ERG28: variants seen among roughly 807,000 people sequenced by gnomAD.
ERG28 encodes ergosterol biosynthetic protein 28 homolog.
A neutral mutation model predicts 15.7 loss-of-function variants in ERG28; 9 were observed. That is an observed-to-expected ratio of 0.57 (90% CI 0.35 to 1.00). The LOEUF is 1.00. Ranked by LOEUF, ERG28 falls within the 50% of genes least tolerant of loss-of-function variation. The probability of loss-of-function intolerance (pLI) is 0.02; values close to 1 mark genes in which losing one functional copy is unlikely to be tolerated. For synonymous variants in ERG28, 61 were observed against 68.4 expected (o/e 0.89, Z 0.53); for missense variants, 117 against 173.3 (o/e 0.68, Z 1.82).
intron 2 of ERG28, among the ~76,000 whole-genome samples, chr14:75,656,150 C>T (rs886484093): frequency 2.0e-5 from 3 of 152,016 alleles, no homozygotes; most frequent in East Asian, 1.9e-4. Flanking sequence ...AGTACTCAAC[C>T]AGCCCTAACC....
chr14:75,656,910 C>A (rs1417869698), intron 2 of ERG28, among the ~76,000 whole-genome samples: 1 of 152,080 alleles, frequency 6.6e-6, no homozygotes, highest in East Asian at 1.9e-4. Flanking sequence ...ATCATGTAAA[C>A]CTGATTCTGA....
At position 75,651,275 on chromosome 14, in the gene ERG28, G is replaced by C. The variant is rs1890522233; in HGVS notation, c.*280C>G. Reference sequence around the variant, plus strand: ...AAAAGGGAGCCTGGAAGAGGTTGCAGGTAGGGGAAGGAGACACAGTGGGCT... The same window carrying C: ...AAAAGGGAGCCTGGAAGAGGTTGCACGTAGGGGAAGGAGACACAGTGGGCT... On this transcript the variant is annotated 3_prime_UTR_variant, in exon 5 of 5. Transcript: ENST00000256319. 2 of 280,218 alleles carry C rather than the reference G, an allele frequency of 7.1e-6. No homozygotes were observed. Among genetic ancestry groups the C allele is most frequent in the Non-Finnish European group, 1.4e-5 (2 of 147,998 alleles). The allele number at this position is 280,218 out of a possible 1,614,324, so 17.4% of individuals were successfully genotyped here.
Position 75,650,935 on chromosome 14 carries a change from C to T in ERG28, c.*620G>A, listed in dbSNP as rs1413577246. The T allele has an allele frequency of 3.9e-5, 6 of 152,596 alleles. No individual in the cohort carries two copies. In the South Asian group the frequency reaches 6.2e-4, roughly 16 times the overall value. 9.5% of individuals were successfully genotyped at this position (152,596 alleles called of 1,614,324 possible). On this transcript the variant is annotated 3_prime_UTR_variant, in exon 5 of 5. Transcript: ENST00000256319. ...TCTATTTATTACAAAAGTTGTTACA[C>T]AAATACAGCTGACCAGAAGGTCTAA...
chr14:75,659,867 GCC>G (rs10716402), intron 1 of ERG28, among the ~76,000 whole-genome samples: 10,196 of 144,330 alleles, frequency 0.071, 771 homozygotes, highest in African/African-American at 0.19. Flanking sequence ...AAACACCGCC[GCC>G]CCCCCCCGCC....
intron 2 of ERG28, 79 bp downstream of exon 2, chr14:75,657,291 A>G (rs1890611405): frequency 6.6e-7 from 1 of 1,521,918 alleles, no homozygotes; most frequent in Non-Finnish European, 9.0e-7. Flanking sequence ...ACTCTGATGT[A>G]CAGCCTGGTT....
At chr14:75,654,847 C>T (rs767097516) in intron 3 of ERG28, 39 bp downstream of exon 3, 21 of 1,568,632 alleles carry the variant, frequency 1.3e-5, no homozygotes, top group Non-Finnish European at 1.8e-5. Flanking sequence ...ATCTGATTTC[C>T]AACAAAAGGA....
intron 2 of ERG28, among the ~76,000 whole-genome samples, chr14:75,656,788 G>A (rs150511714): frequency 2.0e-5 from 3 of 152,250 alleles, no homozygotes; most frequent in African/African-American, 7.2e-5. Context: ...TTTCATTTTG[G>A]GAGACCAACT....
At position 75,654,930 on chromosome 14, in the gene ERG28, T is replaced by C. The variant is rs766149602; in HGVS notation, c.180A>G (p.Ser60=). ...ARTFGIWTLL[S]SVIRCLCAID... ...TGGCACAGAGGCAGCGAATCACTGA[T>C]GAGAGCAGCGTCCAGATCCCAAAGG... The change falls in exon 3 of 5, where the codon TCA becomes TCG. Residue 60 remains serine (S), a synonymous_variant. Transcript: ENST00000256319. 8.7e-6 allele frequency: 14 copies of C among 1,614,058 alleles called. No homozygotes were observed. Among genetic ancestry groups the C allele is most frequent in the African/African-American group, 1.3e-5 (1 of 74,926 alleles).
At position 75,650,406 on chromosome 14, in the gene ERG28, T is replaced by A. The variant is rs1057431104; in HGVS notation, c.*1149A>T. 6.6e-6 allele frequency: 1 copy of A among 152,272 alleles called. No homozygotes were observed. Among genetic ancestry groups the A allele is most frequent in the Non-Finnish European group, 1.5e-5 (1 of 68,078 alleles). The allele number at this position is 152,272 out of a possible 1,614,324, so 9.4% of individuals were successfully genotyped here. A position where few individuals can be genotyped will look rare whatever the true frequency, so the allele number is the denominator to read the frequency against. On this transcript the variant is annotated 3_prime_UTR_variant, in exon 5 of 5. Transcript: ENST00000256319. ...TTCCCAAGTGTCCGGCATGGAGAAG[T>A]ACTCAACAAATATTTGCTGAAATAG...
chr14:75,652,301 C>T (rs559266509), intron 3 of ERG28, among the ~76,000 whole-genome samples: 108 of 152,300 alleles, frequency 7.1e-4, no homozygotes, highest in African/African-American at 2.4e-3. Context: ...ATGCACTTGT[C>T]GGTGTTTATA....
intron 1 of ERG28, 83 bp from the exon 2 acceptor site, chr14:75,657,616 G>A: frequency 3.0e-6 from 4 of 1,341,650 alleles, no homozygotes; most frequent in East Asian, 2.3e-5. Context: ...GAATGAAGCA[G>A]GCCAAAAAAA....
intron 2 of ERG28, among the ~76,000 whole-genome samples, chr14:75,655,390 G>A (rs1890584414): frequency 6.6e-6 from 1 of 152,248 alleles, no homozygotes; most frequent in Non-Finnish European, 1.5e-5. Context: ...TGATCCAGGA[G>A]AGAACTCAGA....
intron 2 of ERG28, among the ~76,000 whole-genome samples, chr14:75,655,858 AAAGAT>A (rs1020424970): frequency 3.9e-5 from 6 of 152,190 alleles, no homozygotes; most frequent in Non-Finnish European, 5.9e-5. Flanking sequence ...CAGTGAAAGC[AAAGAT>A]ACTTCCTTTG....
At chr14:75,660,097 A>G (rs1167469079) in intron 1 of ERG28, among the ~76,000 whole-genome samples, 1 of 152,210 alleles carries the variant, frequency 6.6e-6, no homozygotes, top group Non-Finnish European at 1.5e-5. Context: ...CGGGGTTTAG[A>G]AAAGCTGCAT....
intron 3 of ERG28, among the ~76,000 whole-genome samples, chr14:75,652,470 T>C (rs994258853): frequency 1.3e-5 from 2 of 152,234 alleles, no homozygotes; most frequent in Admixed American, 1.3e-4. Context: ...GGAAAAGAAC[T>C]TATCTTTCAG....
intron 3 of ERG28, among the ~76,000 whole-genome samples, chr14:75,653,541 G>C (rs1890557272): frequency 6.6e-6 from 1 of 151,774 alleles, no homozygotes; most frequent in South Asian, 2.1e-4. Context: ...GGCGGAGGTG[G>C]AGGTTGCAGG....
intron 3 of ERG28, 108 bp from the exon 4 acceptor site, chr14:75,651,997 C>T: frequency 1.0e-6 from 1 of 981,296 alleles, no homozygotes; most frequent in East Asian, 2.4e-5. Flanking sequence ...GTCATTAAGA[C>T]TTAAAAGAAA....
Position 75,659,129 on chromosome 14 carries a change from G to T in ERG28, c.-31-1596C>A, listed in dbSNP as rs146645327. ...TAATATTTCCATCTTACAGATGAGG[G>T]TTGGAACAGAGAGGTTAAACAAGTT... On this transcript the variant is annotated intron_variant, in intron 1 of 4. Coordinates refer to ENST00000256319, the MANE Select transcript of ERG28 (RefSeq NM_007176.4). Among the ~76,000 whole-genome samples the T allele has an allele frequency of 2.9e-3, 442 of 152,232 alleles. 2 individuals are homozygous for T. The highest frequency in any genetic ancestry group is 0.01 in the African/African-American group (420 of 41,528).
chr14:75,657,577 T>G, intron 1 of ERG28, 44 bp from the exon 2 acceptor site: 1 of 1,546,128 alleles, frequency 6.5e-7, no homozygotes, highest in Middle Eastern at 1.8e-4. Flanking sequence ...AGGGCCAGTC[T>G]ATGTTAACCA....
Sources: allele counts gnomAD v4.1 joint callset (sites outside exome capture counted in the v4.1 genomes callset), GRCh38; gene constraint gnomAD v4.1.1; transcripts MANE v1.5; gene names NCBI Gene and HGNC (gene_info 2026-07-23, HGNC 2026-07-21).